Variants in SMIM35 observed in about 807,000 individuals in gnomAD.
SMIM35 encodes the protein TMPRSS4 antisense RNA 1 (non-protein coding).
At chr11:118,074,572 C>T (rs149349337) in intron 1 of SMIM35, among the ~76,000 whole-genome samples, 4,578 of 151,910 alleles carry the variant, frequency 0.03, 230 homozygotes, top group African/African-American at 0.1. Flanking sequence ...CATGGTGAAA[C>T]CCTGTATCTA....
chr11:118,045,147 T>C (rs1468327234), intron 1 of SMIM35, among the ~76,000 whole-genome samples: 2 of 152,172 alleles, frequency 1.3e-5, no homozygotes, highest in Non-Finnish European at 2.9e-5. Context: ...TTCATCTCCA[T>C]TGGCTTCTAG....
At chr11:118,025,575 C>A (rs934644502) in intron 1 of SMIM35, 6 of 454,530 alleles carry the variant, frequency 1.3e-5, no homozygotes, top group East Asian at 1.4e-4. Context: ...TGTTTGTTGG[C>A]CACTTGTATG....
intron 1 of SMIM35, among the ~76,000 whole-genome samples, chr11:118,032,962 C>A (rs543196008): frequency 2.0e-4 from 31 of 152,264 alleles, no homozygotes; most frequent in Non-Finnish European, 3.2e-4. Context: ...GATTATGTGT[C>A]ATTTCTGTTT....
At chr11:118,080,292 G>A (rs1278260153) in intron 1 of SMIM35, among the ~76,000 whole-genome samples, 1 of 152,218 alleles carries the variant, frequency 6.6e-6, no homozygotes, top group East Asian at 1.9e-4. Context: ...AGGGAAAGCA[G>A]GAAGGAGCTC....
At chr11:118,023,547 T>C (rs1715716640) in intron 1 of SMIM35, among the ~76,000 whole-genome samples, 1 of 127,872 alleles carries the variant, frequency 7.8e-6, no homozygotes, top group South Asian at 2.7e-4. Flanking sequence ...ATGTTCCCCT[T>C]CTTGTGTAAA....
At chr11:118,024,542 G>C (rs929178836) in intron 1 of SMIM35, among the ~76,000 whole-genome samples, 1 of 151,482 alleles carries the variant, frequency 6.6e-6, no homozygotes, top group Non-Finnish European at 1.5e-5. Context: ...GTGTGATCTC[G>C]GCTCACTGCA....
At chr11:118,062,357 G>T (rs1305587728) in intron 1 of SMIM35, among the ~76,000 whole-genome samples, 1 of 152,194 alleles carries the variant, frequency 6.6e-6, no homozygotes, top group Non-Finnish European at 1.5e-5. Context: ...AGTGGGTCAA[G>T]AGAGGCACCC....
intron 1 of SMIM35, chr11:118,067,594 G>A (rs1944497144): frequency 6.6e-6 from 1 of 151,918 alleles, no homozygotes; most frequent in Non-Finnish European, 1.5e-5. Context: ...AGCACTTTGG[G>A]AGACCAAGGC....
rs974564370 is a variant in SMIM35, at chr11:118,065,612, T to C, written c.7+21139A>G. On this transcript the variant is annotated intron_variant, in intron 1 of 4. Coordinates refer to ENST00000689828, the MANE Select transcript of SMIM35 (RefSeq NM_001394165.1). ...TTTGTAACTTCACTTCAATCTCTGG[T>C]TGGTCTCTCTCCACAACCAATCAGA... 2.0e-5 allele frequency among the ~76,000 whole-genome samples: 3 copies of C among 152,178 alleles called. No individual in the cohort carries two copies. In the East Asian group the frequency reaches 5.8e-4, roughly 29 times the overall value.
chr11:118,069,162 G>A (rs750619867), intron 1 of SMIM35, among the ~76,000 whole-genome samples: 10 of 152,226 alleles, frequency 6.6e-5, no homozygotes, highest in Non-Finnish European at 1.0e-4. Flanking sequence ...TGCCTGCCAA[G>A]TACAGGCTGT....
intron 4 of SMIM35, among the ~76,000 whole-genome samples, chr11:118,008,261 G>A (rs994313101): frequency 2.6e-5 from 4 of 152,204 alleles, no homozygotes; most frequent in African/African-American, 9.7e-5. Flanking sequence ...CAGGCCACTG[G>A]CTTCCTGTTT....
rs371263900 is a variant in SMIM35 at position 118,009,555 on chromosome 11, A to T, written c.*34-3179T>A. On this transcript the variant is annotated intron_variant, in intron 4 of 4. Transcript: ENST00000689828. ...ACACACGCAGAGTCAAGGAAAGGCTAAGTAATGCTTAGAATCCTAGACCAC... is the reference window on the plus strand; with the variant it reads ...ACACACGCAGAGTCAAGGAAAGGCTTAGTAATGCTTAGAATCCTAGACCAC... Among the ~76,000 whole-genome samples the T allele has an allele frequency of 3.2e-4, 49 of 152,272 alleles. 2 individuals carry two copies. In the South Asian group the frequency reaches 9.1e-3, roughly 28 times the overall value.
chr11:118,055,853 G>A (rs577246648), intron 1 of SMIM35, among the ~76,000 whole-genome samples: 41 of 152,276 alleles, frequency 2.7e-4, no homozygotes, highest in Non-Finnish European at 5.1e-4. Flanking sequence ...ACAGTGACAG[G>A]TAATCTGTGC....
chr11:118,055,870 A>T (rs1944302170), intron 1 of SMIM35, among the ~76,000 whole-genome samples: 1 of 152,126 alleles, frequency 6.6e-6, no homozygotes, highest in African/African-American at 2.4e-5. Context: ...GTGCTATAAG[A>T]GGTAAACATG....
At chr11:118,029,362 G>A (rs2058299913) in intron 1 of SMIM35, among the ~76,000 whole-genome samples, 1 of 152,168 alleles carries the variant, frequency 6.6e-6, no homozygotes, top group Non-Finnish European at 1.5e-5. Context: ...AGACTGAGGT[G>A]GGAGGTTAGC....
chr11:118,060,650 G>A (rs1484002156), intron 1 of SMIM35, among the ~76,000 whole-genome samples: 1 of 152,076 alleles, frequency 6.6e-6, no homozygotes, highest in Non-Finnish European at 1.5e-5. Context: ...GGGTCTGGGA[G>A]AGCAACTGCA....
chr11:118,046,841 G>A (rs1944104930), intron 1 of SMIM35, among the ~76,000 whole-genome samples: 1 of 152,208 alleles, frequency 6.6e-6, no homozygotes, highest in Non-Finnish European at 1.5e-5. Context: ...GGTATAGGGA[G>A]TTTCCCAAAG....
Position 118,005,000 on chromosome 11 carries a change from G to A in SMIM35, c.*1410C>T, listed in dbSNP as rs895581548. ...ACCTCTACCCACATGGGGCAGAAGG[G>A]CGTGGTGGAGATTAAGACCTCACAG... On this transcript the variant is annotated 3_prime_UTR_variant, in exon 5 of 5. Coordinates refer to ENST00000689828, the MANE Select transcript of SMIM35 (RefSeq NM_001394165.1). The A allele has an allele frequency of 6.6e-6, 1 of 152,312 alleles. No homozygotes were observed. Among genetic ancestry groups the A allele is most frequent in the Non-Finnish European group, 1.5e-5 (1 of 68,158 alleles). The allele number at this position is 152,312 out of a possible 1,614,324, so 9.4% of individuals were successfully genotyped here.
At chr11:118,033,956 C>T (rs1421652845) in intron 1 of SMIM35, among the ~76,000 whole-genome samples, 4 of 152,128 alleles carry the variant, frequency 2.6e-5, no homozygotes, top group Non-Finnish European at 5.9e-5. Context: ...TACCCTAACG[C>T]CTGGAATTAC....
Sources: gnomAD v4.1 joint callset for allele counts (sites outside exome capture counted in the v4.1 genomes callset) on GRCh38, gnomAD v4.1.1 for gene constraint, MANE v1.5 for transcripts, NCBI Gene and HGNC (gene_info 2026-07-23, HGNC 2026-07-21) for gene names.